TMEM154: variants seen among roughly 807,000 people sequenced by gnomAD.
TMEM154 encodes transmembrane protein 154.
TMEM154 carries 27 observed loss-of-function variants against 24.5 expected under a neutral mutation model. That is an observed-to-expected ratio of 1.10 (90% confidence interval 0.81 to 1.52). TMEM154 has a LOEUF of 1.52. TMEM154 is among the 40% of genes most tolerant of loss of function. The pLI is 0.00. For missense variants in TMEM154, 228 were observed against 213.4 expected, an observed-to-expected ratio of 1.07 and a Z score of -0.43; for synonymous variants, 67 against 76.8, an observed-to-expected ratio of 0.87 and a Z score of 0.67.
intron 3 of TMEM154, chr4:152,646,822 G>A (rs919881868): frequency 4.3e-5 from 27 of 624,688 alleles, no homozygotes; most frequent in Admixed American, 1.3e-4. Flanking sequence ...TTGTTTCCAC[G>A]CTGAGCAGTG....
chr4:152,632,086 C>T (rs1272463552), intron 6 of TMEM154, among the ~76,000 whole-genome samples: 1 of 152,106 alleles, frequency 6.6e-6, no homozygotes, highest in African/African-American at 2.4e-5. Flanking sequence ...GGATTACAGG[C>T]GTGCACCACA....
intron 1 of TMEM154, among the ~76,000 whole-genome samples, chr4:152,678,449 G>A (rs577575484): frequency 5.3e-5 from 8 of 151,194 alleles, no homozygotes; most frequent in Admixed American, 1.3e-4. Flanking sequence ...AAGGAGGATG[G>A]CTAGGCTTTT....
intron 1 of TMEM154, among the ~76,000 whole-genome samples, chr4:152,659,882 A>T (rs1192282265): frequency 2.6e-5 from 4 of 152,224 alleles, no homozygotes; most frequent in African/African-American, 7.2e-5. Context: ...ACTAGTAATA[A>T]AATAGAACAA....
intron 3 of TMEM154, among the ~76,000 whole-genome samples, chr4:152,650,370 CA>C (rs74690611): frequency 0.051 from 7,249 of 143,018 alleles, 204 homozygotes; most frequent in East Asian, 0.076. Flanking sequence ...GATTCCATCT[CA>C]AAAAAAAAAA....
intron 1 of TMEM154, among the ~76,000 whole-genome samples, chr4:152,663,388 A>G (rs1353451328): frequency 1.3e-5 from 2 of 152,264 alleles, no homozygotes; most frequent in African/African-American, 4.8e-5. Flanking sequence ...ACAGGGTTAG[A>G]GGGCAAAGAG....
chr4:152,672,211 C>T (rs990087679), intron 1 of TMEM154, among the ~76,000 whole-genome samples: 5 of 151,456 alleles, frequency 3.3e-5, no homozygotes, highest in Admixed American at 1.3e-4. Flanking sequence ...AATCCAAGAT[C>T]GTGCCACTGT....
chr4:152,678,642 C>T (rs370604898), intron 1 of TMEM154, among the ~76,000 whole-genome samples: 43 of 152,296 alleles, frequency 2.8e-4, no homozygotes, highest in African/African-American at 9.6e-4. Flanking sequence ...TCTTCCACCT[C>T]TGTTTCTTCA....
intron 3 of TMEM154, among the ~76,000 whole-genome samples, chr4:152,648,702 C>T (rs150327913): frequency 6.6e-6 from 1 of 152,132 alleles, no homozygotes; most frequent in Non-Finnish European, 1.5e-5. Context: ...GGCTGGCTCT[C>T]GCTTGTAAAT....
chr4:152,640,073 G>A (rs1752228066), intron 6 of TMEM154, among the ~76,000 whole-genome samples: 1 of 152,194 alleles, frequency 6.6e-6, no homozygotes, highest in African/African-American at 2.4e-5. Flanking sequence ...GGCTTCAGGG[G>A]TTGCCTGGTG....
chr4:152,671,171 T>C (rs1408130603), intron 1 of TMEM154, among the ~76,000 whole-genome samples: 3 of 151,516 alleles, frequency 2.0e-5, no homozygotes, highest in Admixed American at 6.6e-5. Context: ...AAAGACTCAG[T>C]GGCCCAACAG....
intron 4 of TMEM154, 30 bp downstream of exon 4, chr4:152,644,385 G>A: frequency 6.2e-7 from 1 of 1,613,514 alleles, no homozygotes; most frequent in Non-Finnish European, 8.5e-7. Flanking sequence ...TCACACCCCA[G>A]GTGGATCAGA....
At chr4:152,661,873 G>A (rs190852101) in intron 1 of TMEM154, among the ~76,000 whole-genome samples, 19 of 152,270 alleles carry the variant, frequency 1.2e-4, no homozygotes, top group Admixed American at 4.6e-4. Flanking sequence ...AGTAACCACC[G>A]TTTCTGCTCC....
chr4:152,640,833 G>A (rs1199673065), intron 6 of TMEM154, 95 bp downstream of exon 6: 1 of 1,016,230 alleles, frequency 9.8e-7, no homozygotes, highest in Non-Finnish European at 1.5e-6. Context: ...CGAATTATAG[G>A]CACGGAGGAG....
Position 152,644,419 on chromosome 4 carries a change from T to A in TMEM154, c.388A>T (p.Lys130Ter). The A allele has an allele frequency of 6.2e-7, 1 of 1,614,182 alleles. No homozygotes were observed. Among genetic ancestry groups the A allele is most frequent in the Non-Finnish European group, 8.5e-7 (1 of 1,180,006 alleles). Residue 130 changes from lysine (K) to a stop codon, truncating the protein, a stop_gained, in exon 4 of 7, where the codon AAA becomes TAA. Transcript: ENST00000304385. LOFTEE classifies it high-confidence loss of function. ...GAAGCAGCAGGGAAAACTTACACTT[T>A]CACGTTTTCACTTCCCAGTTCATCT... ...QTYELGSENV[K>*]VPIFEEDTPS...
chr4:152,631,634 T>C (rs1752044887), intron 6 of TMEM154, among the ~76,000 whole-genome samples: 1 of 151,922 alleles, frequency 6.6e-6, no homozygotes, highest in East Asian at 1.9e-4. Context: ...TCATGCCATG[T>C]TGTCTAGGCT....
intron 1 of TMEM154, among the ~76,000 whole-genome samples, chr4:152,671,882 C>T (rs4696143): frequency 0.95 from 144,710 of 151,860 alleles, 69,225 homozygotes; most frequent in East Asian, 1. Flanking sequence ...CAGGGAAAAC[C>T]GGTGATGAAA....
At chr4:152,648,151 T>C (rs995683322) in intron 3 of TMEM154, among the ~76,000 whole-genome samples, 7 of 152,070 alleles carry the variant, frequency 4.6e-5, no homozygotes, top group Non-Finnish European at 4.4e-5. Flanking sequence ...TGGTAATTAA[T>C]TTTTCCTAGG....
intron 1 of TMEM154, among the ~76,000 whole-genome samples, chr4:152,660,304 T>C (rs1728576430): frequency 1.3e-5 from 2 of 152,064 alleles, no homozygotes; most frequent in Non-Finnish European, 2.9e-5. Flanking sequence ...ATGGGGTTGG[T>C]GGTTGGTGCG....
At chr4:152,637,750 A>G (rs1488299314) in intron 6 of TMEM154, among the ~76,000 whole-genome samples, 3 of 152,326 alleles carry the variant, frequency 2.0e-5, no homozygotes, top group South Asian at 2.1e-4. Flanking sequence ...TCTAAGTCCA[A>G]TGACCCACAA....
Sources: gnomAD v4.1 joint callset for allele counts (sites outside exome capture counted in the v4.1 genomes callset) on GRCh38, gnomAD v4.1.1 for gene constraint, MANE v1.5 for transcripts, NCBI Gene and HGNC (gene_info 2026-07-23, HGNC 2026-07-21) for gene names.